FAM184B: variants seen among roughly 807,000 people sequenced by gnomAD.
FAM184B encodes the protein protein FAM184B.
In FAM184B, 111 loss-of-function variants were observed where a neutral mutation model predicts 135.9. The ratio of observed to expected loss-of-function variants is 0.82; its 90% CI spans 0.70 to 0.96. The LOEUF is 0.96. FAM184B is among the 40% of genes least tolerant of loss of function. The pLI is 0.00. For synonymous variants in FAM184B, 552 were observed against 524.8 expected (o/e 1.05, Z -0.71); for missense variants, 1,375 against 1,323.9 (o/e 1.04, Z -0.60).
chr4:17,702,599 T>C (rs981774889), intron 5 of FAM184B, among the ~76,000 whole-genome samples: 3 of 152,224 alleles, frequency 2.0e-5, no homozygotes, highest in Non-Finnish European at 4.4e-5. Context: ...TGGAGGCCTC[T>C]TTAAGGTTTC....
Position 17,708,957 on chromosome 4 carries a change from C to T in FAM184B, c.829G>A (p.Glu277Lys), listed in dbSNP as rs1219162208. The change falls in exon 2 of 18, where the codon GAG (glutamate) becomes AAG (lysine). Residue 277 changes from glutamate (E) to lysine (K), a missense_variant. Coordinates refer to ENST00000265018, the MANE Select transcript of FAM184B (RefSeq NM_015688.2). ...AQVRKLEGDL[E>K]HRGRKISDLK... ...TCACTTATCTTGCGGCCTCTGTGCT[C>T]CAGGTCTCCTTCCAGCTTCCGGACC... The T allele has an allele frequency of 1.2e-5, 19 of 1,549,970 alleles. No homozygotes were observed. Among genetic ancestry groups the T allele is most frequent in the Admixed American group, 2.0e-5 (1 of 50,890 alleles).
At chr4:17,706,905 C>T (rs1290564713) in intron 3 of FAM184B, among the ~76,000 whole-genome samples, 1 of 152,078 alleles carries the variant, frequency 6.6e-6, no homozygotes, top group African/African-American at 2.4e-5. Context: ...CCTTCCTCAG[C>T]CTCCCAAGTA....
At chr4:17,673,288 AACAGGGAACACTTC>A (rs1320831476) in intron 7 of FAM184B, among the ~76,000 whole-genome samples, 2 of 152,300 alleles carry the variant, frequency 1.3e-5, no homozygotes, top group African/African-American at 4.8e-5. Flanking sequence ...AGATGCAATG[AACAGGGAACACTTC>A]TACCCTGCTG....
chr4:17,735,278 A>G lies in FAM184B; in HGVS notation c.142-25634T>C, dbSNP rs550096588. ...GCACACCAACATGGCACATGTATAC[A>G]TATGTAACAAACCTGCACATTGTGC... On this transcript the variant is annotated intron_variant, in intron 1 of 17. Coordinates refer to ENST00000265018, the MANE Select transcript of FAM184B (RefSeq NM_015688.2). Among the ~76,000 whole-genome samples the G allele has an allele frequency of 3.1e-3, 473 of 152,204 alleles. 4 individuals are homozygous for G. The highest frequency in any genetic ancestry group is 0.01 in the African/African-American group (428 of 41,534).
chr4:17,677,055 C>CT (rs529361620), intron 7 of FAM184B, among the ~76,000 whole-genome samples: 344 of 151,488 alleles, frequency 2.3e-3, no homozygotes, highest in Middle Eastern at 0.014. Context: ...TGAATGAGTA[C>CT]TTTTTTTTTA....
chr4:17,734,999 C>T (rs1278343936), intron 1 of FAM184B, among the ~76,000 whole-genome samples: 1 of 152,016 alleles, frequency 6.6e-6, no homozygotes, highest in East Asian at 1.9e-4. Context: ...TACTATGCAG[C>T]CATAAAAAAT....
At chr4:17,739,648 A>G (rs1577284518) in intron 1 of FAM184B, among the ~76,000 whole-genome samples, 1 of 144,918 alleles carries the variant, frequency 6.9e-6, no homozygotes, top group South Asian at 2.2e-4. Context: ...TCTGCCTCCC[A>G]GGTTCAAGTG....
intron 12 of FAM184B, among the ~76,000 whole-genome samples, chr4:17,647,126 C>CTTTT (rs5856438): frequency 6.7e-6 from 1 of 148,598 alleles, no homozygotes. Flanking sequence ...CACTTAAAAC[C>CTTTT]TTTTTTTTTT....
chr4:17,655,466 G>C (rs928510340), intron 10 of FAM184B, among the ~76,000 whole-genome samples: 5 of 152,172 alleles, frequency 3.3e-5, no homozygotes, highest in African/African-American at 9.7e-5. Flanking sequence ...CTCATTCCTG[G>C]TGAATTTCTC....
Position 17,709,279 on chromosome 4 carries a change from C to G in FAM184B, c.507G>C (p.Glu169Asp), listed in dbSNP as rs1258249497. 1.3e-6 allele frequency: 2 copies of G among 1,548,250 alleles called. No individual in the cohort carries two copies. The highest frequency in any genetic ancestry group is 1.7e-6 in the Non-Finnish European group (2 of 1,145,336). ...GGGGCAGCCGGCCCTGCGGGGTAGC[C>G]TCGTGGCTCGTCAGGTGCTGGAGCC... ...ERRLQHLTSH[E>D]ATPQGRLPQE... Residue 169 changes from glutamate to aspartate, a missense_variant, in exon 2 of 18, where the codon GAG (glutamate) becomes GAC (aspartate). Physicochemically the swap from Glu to Asp is conservative, Grantham distance 45. Transcript: ENST00000265018.
At chr4:17,701,311 T>G (rs1716981404) in intron 5 of FAM184B, among the ~76,000 whole-genome samples, 1 of 152,216 alleles carries the variant, frequency 6.6e-6, no homozygotes, top group Non-Finnish European at 1.5e-5. Context: ...ACACATAGAC[T>G]GGTAGAGAGC....
chr4:17,639,831 CT>C (rs11445596), intron 13 of FAM184B, among the ~76,000 whole-genome samples: 212 of 143,754 alleles, frequency 1.5e-3, no homozygotes, highest in East Asian at 1.6e-3. Context: ...CCTCCCTGAA[CT>C]TTTTTTTTTT....
chr4:17,770,272 T>A (rs1718784933), intron 1 of FAM184B, among the ~76,000 whole-genome samples: 2 of 152,222 alleles, frequency 1.3e-5, no homozygotes, highest in Admixed American at 1.3e-4. Context: ...TGCCTTTGTG[T>A]GAGTGGGCAA....
intron 1 of FAM184B, among the ~76,000 whole-genome samples, chr4:17,762,223 C>T (rs982887564): frequency 6.6e-6 from 1 of 152,116 alleles, no homozygotes; most frequent in African/African-American, 2.4e-5. Flanking sequence ...ACAAAGGATC[C>T]CCTATGAGAT....
chr4:17,649,038 T>C (rs1402243606), intron 11 of FAM184B, among the ~76,000 whole-genome samples: 22 of 152,226 alleles, frequency 1.4e-4, no homozygotes, highest in Non-Finnish European at 1.2e-4. Flanking sequence ...CTTTTGAGAC[T>C]CTGTATTTTA....
chr4:17,674,200 T>A (rs148900355), intron 7 of FAM184B, among the ~76,000 whole-genome samples: 28 of 152,222 alleles, frequency 1.8e-4, no homozygotes, highest in African/African-American at 6.0e-4. Flanking sequence ...ACAAAAGTAT[T>A]AATAATTACA....
At chr4:17,673,847 T>C (rs879619534) in intron 7 of FAM184B, among the ~76,000 whole-genome samples, 6 of 150,368 alleles carry the variant, frequency 4.0e-5, no homozygotes, top group Non-Finnish European at 7.4e-5. Context: ...GTACCAAATC[T>C]CATAAATCAC....
chr4:17,693,308 C>A lies in FAM184B; in HGVS notation c.1482G>T (p.Leu494=). 6.4e-7 allele frequency: 1 copy of A among 1,550,986 alleles called. No homozygotes were observed. Among genetic ancestry groups the A allele is most frequent in the Non-Finnish European group, 8.7e-7 (1 of 1,146,430 alleles). ...GCATTTGGTCAGGGCTCACCTCAAG[C>A]AGAGAATTCTGAAGCTTCACATTGA... ...AALNVKLQNS[L]LEVLRLEEFI... Residue 494 remains leucine (L), a synonymous_variant, in exon 6 of 18, where the codon CTG becomes CTT. Coordinates refer to ENST00000265018, the MANE Select transcript of FAM184B (RefSeq NM_015688.2).
rs924078183 is a variant in FAM184B, at chr4:17,781,582, C to G, written c.-283G>C. 2.6e-6 allele frequency: 1 copy of G among 384,548 alleles called. No homozygotes were observed. The allele number at this position is 384,548 out of a possible 1,614,324, so 23.8% of individuals were successfully genotyped here. On this transcript the variant is annotated 5_prime_UTR_variant, in exon 1 of 18. Transcript: ENST00000265018. This position sits in a 1 kb window ranked among gnomAD's most constrained non-coding sequence, Gnocchi z 6.5. ...GTCGGCGCCCCGCACGTGCCGCTGG[C>G]GATCAGTCTGCAGTTCCCCAGCCAG...
Sources: gnomAD v4.1 joint callset for allele counts (sites outside exome capture counted in the v4.1 genomes callset) on GRCh38, gnomAD v4.1.1 for gene constraint, Gnocchi (gnomAD v3.1) non-coding constraint, MANE v1.5 for transcripts, NCBI Gene and HGNC (gene_info 2026-07-23, HGNC 2026-07-21) for gene names.